SNX7: variants seen among roughly 807,000 people sequenced by gnomAD.
SNX7 encodes the protein sorting nexin-7.
In SNX7, 35 loss-of-function variants were observed where a neutral mutation model predicts 48.4. That is an observed-to-expected ratio of 0.72 (90% CI 0.55 to 0.96). SNX7 has a LOEUF of 0.96. Among genes scored for constraint, SNX7 ranks in the 40% least tolerant of loss-of-function variants. SNX7 has a pLI of 0.00. For missense variants in SNX7, 553 were observed against 548.9 expected, an observed-to-expected ratio of 1.01 and a Z score of -0.07; for synonymous variants, 190 against 190.2, an observed-to-expected ratio of 1.00 and a Z score of 0.01.
rs201035304 is a variant in SNX7, at chr1:98,698,822, G to A, written c.955G>A (p.Ala319Thr). 109 of 1,613,784 alleles carry A rather than the reference G, an allele frequency of 6.8e-5. No homozygotes were observed. The highest frequency in any genetic ancestry group is 5.9e-6 in the Non-Finnish European group (7 of 1,179,790). The change falls in exon 6 of 9, where the codon GCC becomes ACC. Residue 319 changes from alanine to threonine, a missense_variant. Physicochemically the swap from Ala to Thr is moderately conservative, Grantham distance 58 (BLOSUM62 0). Coordinates refer to ENST00000306121, the MANE Select transcript of SNX7 (RefSeq NM_015976.5). ...CAGCTGCATTGACAGATGCTGTAAG[G>A]CCACTGAAAAGCGGATGTCTGGACT... ...VASCIDRCCK[A>T]TEKRMSGLSE...
At chr1:98,697,702 G>A (rs1651535954) in intron 5 of SNX7, among the ~76,000 whole-genome samples, 1 of 152,082 alleles carries the variant, frequency 6.6e-6, no homozygotes, top group African/African-American at 2.4e-5. Context: ...CTGTTTTAAG[G>A]AGTATGTGGC....
chr1:98,715,926 C>T (rs1255818915), intron 7 of SNX7, among the ~76,000 whole-genome samples: 1 of 152,102 alleles, frequency 6.6e-6, no homozygotes, highest in Admixed American at 6.6e-5. Flanking sequence ...CACACACACA[C>T]ACACACGTTT....
At chr1:98,746,378 T>A (rs1489452794) in intron 8 of SNX7, among the ~76,000 whole-genome samples, 1 of 152,098 alleles carries the variant, frequency 6.6e-6, no homozygotes, top group Non-Finnish European at 1.5e-5. Context: ...ATTACTCCCA[T>A]TTAGGTTATA....
At chr1:98,735,401 A>G (rs370633383) in intron 7 of SNX7, among the ~76,000 whole-genome samples, 7 of 152,170 alleles carry the variant, frequency 4.6e-5, no homozygotes, top group South Asian at 4.1e-4. Context: ...AAACTTATGA[A>G]TAACTCGTCA....
At chr1:98,759,917 A>C (rs1396832011) in intron 8 of SNX7, 137 bp from the exon 9 acceptor site, 1 of 588,228 alleles carries the variant, frequency 1.7e-6, no homozygotes. Flanking sequence ...GTAGAAAATG[A>C]CAAGGATTCT....
intron 1 of SNX7, among the ~76,000 whole-genome samples, chr1:98,681,913 A>C (rs534480423): frequency 1.9e-3 from 289 of 152,276 alleles, no homozygotes; most frequent in Non-Finnish European, 2.8e-3. Flanking sequence ...ATAATGGGGC[A>C]ACATGTTTCT....
chr1:98,674,583 A>G (rs1650057053), intron 1 of SNX7, among the ~76,000 whole-genome samples: 1 of 152,220 alleles, frequency 6.6e-6, no homozygotes, highest in African/African-American at 2.4e-5. Flanking sequence ...AAATAAGGTC[A>G]CACTCCACGG....
intron 2 of SNX7, among the ~76,000 whole-genome samples, chr1:98,687,347 C>T (rs1236055755): frequency 2.0e-5 from 3 of 152,094 alleles, no homozygotes; most frequent in South Asian, 4.1e-4. Flanking sequence ...TTCAGTTTAA[C>T]TATTATAAAT....
chr1:98,714,264 T>C (rs1288794741), intron 7 of SNX7, among the ~76,000 whole-genome samples: 4 of 152,158 alleles, frequency 2.6e-5, no homozygotes, highest in African/African-American at 9.7e-5. Flanking sequence ...TTAGTACATG[T>C]TGTATGCCAG....
chr1:98,686,188 G>A (rs1650787538), intron 2 of SNX7, among the ~76,000 whole-genome samples: 1 of 152,092 alleles, frequency 6.6e-6, no homozygotes, highest in Admixed American at 6.6e-5. Flanking sequence ...TTCTCTAGTT[G>A]TTACTGTCCC....
chr1:98,702,677 A>G (rs1312897658), intron 7 of SNX7, among the ~76,000 whole-genome samples: 2 of 152,152 alleles, frequency 1.3e-5, no homozygotes, highest in African/African-American at 4.8e-5. Flanking sequence ...AAGTTTATAT[A>G]TAGGTCTTGA....
chr1:98,731,804 T>C (rs1028072380), intron 7 of SNX7, among the ~76,000 whole-genome samples: 1 of 152,186 alleles, frequency 6.6e-6, no homozygotes, highest in Non-Finnish European at 1.5e-5. Flanking sequence ...ATCACTGTCA[T>C]ATATGCAGAT....
intron 7 of SNX7, among the ~76,000 whole-genome samples, chr1:98,703,476 T>C (rs1309858031): frequency 6.6e-6 from 1 of 151,910 alleles, no homozygotes; most frequent in African/African-American, 2.4e-5. Flanking sequence ...TGGGGAGTGG[T>C]GGGCTGCTGT....
intron 7 of SNX7, among the ~76,000 whole-genome samples, chr1:98,711,569 T>G (rs1162633931): frequency 1.3e-5 from 2 of 152,148 alleles, no homozygotes; most frequent in African/African-American, 4.8e-5. Context: ...GTGTAAAAAA[T>G]GTACATAATT....
chr1:98,718,323 C>T (rs1023233298), intron 7 of SNX7, among the ~76,000 whole-genome samples: 1 of 151,966 alleles, frequency 6.6e-6, no homozygotes, highest in East Asian at 1.9e-4. Flanking sequence ...TTCAATACTT[C>T]TTTTATCATC....
At chr1:98,673,884 A>G (rs1650014209) in intron 1 of SNX7, among the ~76,000 whole-genome samples, 1 of 152,208 alleles carries the variant, frequency 6.6e-6, no homozygotes, top group Non-Finnish European at 1.5e-5. Context: ...GGCACTTAGA[A>G]AACTCTCAGT....
At chr1:98,691,937 A>ACCCTCTCT (rs376006567) in intron 4 of SNX7, among the ~76,000 whole-genome samples, 1 of 131,066 alleles carries the variant, frequency 7.6e-6, no homozygotes, top group African/African-American at 2.8e-5. Context: ...ACACACACAC[A>ACCCTCTCT]CTCTCTCTCT....
chr1:98,741,068 C>T (rs575870306), intron 8 of SNX7, among the ~76,000 whole-genome samples: 9 of 152,226 alleles, frequency 5.9e-5, no homozygotes, highest in Non-Finnish European at 1.0e-4. Context: ...CTATTAATAT[C>T]AGAAAATCTC....
intron 8 of SNX7, among the ~76,000 whole-genome samples, chr1:98,749,165 AATTT>A (rs1456667727): frequency 6.6e-6 from 1 of 152,112 alleles, no homozygotes; most frequent in Non-Finnish European, 1.5e-5. Context: ...CTCTTACGTT[AATTT>A]CTCCTATAAA....
Sources: gnomAD v4.1 joint callset for allele counts (sites outside exome capture counted in the v4.1 genomes callset) on GRCh38, gnomAD v4.1.1 for gene constraint, MANE v1.5 for transcripts, NCBI Gene and HGNC (gene_info 2026-07-23, HGNC 2026-07-21) for gene names.